ACSL3: variants seen among roughly 807,000 people sequenced by gnomAD.
ACSL3 encodes the protein acyl-CoA synthetase long chain family member 3, also known as fatty acid CoA ligase Acsl3.
A neutral mutation model predicts 84.7 loss-of-function variants in ACSL3; 34 were observed. That is an observed-to-expected ratio of 0.40 (90% CI 0.31 to 0.53). ACSL3 has a LOEUF of 0.53. Among genes scored for constraint, ACSL3 ranks in the 20% least tolerant of loss-of-function variants. The probability of loss-of-function intolerance (pLI) is 0.48; values close to 1 mark genes in which losing one functional copy is unlikely to be tolerated. For synonymous variants in ACSL3, 315 were observed against 299.4 expected, an observed-to-expected ratio of 1.05 and a Z score of -0.54; for missense variants, 680 against 873.1, an observed-to-expected ratio of 0.78 and a Z score of 2.79.
rs368211308 is a variant in ACSL3, at chr2:222,908,784, C to T, written c.12C>T (p.His4=). The change falls in exon 4 of 17, where the codon CAC becomes CAT. Residue 4 remains histidine (H), a synonymous_variant. Transcript: ENST00000357430. ...CTTTTTGAGTACTTATGAATAACCA[C>T]GTGTCTTCAAAACCATCTACCATGA... The part of the protein sequence containing the change: MNN[H]VSSKPSTMKL... The T allele has an allele frequency of 1.7e-5, 27 of 1,593,098 alleles. No homozygotes were observed. The highest frequency in any genetic ancestry group is 1.7e-4 in the Admixed American group (9 of 53,844).
chr2:222,901,964 A>AAAAAAAAAAAAAAAATG lies in ACSL3; in HGVS notation c.-41+1184_-41+1185insAAAAAAAAAAAAAAATG, dbSNP rs57522671. On this transcript the variant is annotated intron_variant, in intron 3 of 16. Transcript: ENST00000357430. ...GTCTCAAAAAAAAAAAAAAAAAAAA[A>AAAAAAAAAAAAAAAATG]GAACTCAAATATTGTTGAGGTAGCA... Among the ~76,000 whole-genome samples, 76 of 99,456 alleles carry AAAAAAAAAAAAAAAATG rather than the reference A, an allele frequency of 7.6e-4. 21 individuals carry two copies. Among genetic ancestry groups the AAAAAAAAAAAAAAAATG allele is most frequent in the African/African-American group, 2.4e-3 (59 of 24,630 alleles). 65.2% of individuals were successfully genotyped at this position (99,456 alleles called of 152,430 possible). A position where few individuals can be genotyped will look rare whatever the true frequency, so the allele number is the denominator to read the frequency against.
chr2:222,874,267 C>T (rs541733672), intron 1 of ACSL3, among the ~76,000 whole-genome samples: 19 of 152,172 alleles, frequency 1.2e-4, no homozygotes, highest in Middle Eastern at 3.2e-3. Flanking sequence ...TCAGGTGATC[C>T]GTCTGCCTCG....
chr2:222,917,820 A>G, intron 5 of ACSL3: 1 of 328,844 alleles, frequency 3.0e-6, no homozygotes, highest in Non-Finnish European at 5.5e-6. Context: ...AAATTTAAAT[A>G]TCTTCATCTT....
chr2:222,926,912 C>G (rs1696895551), intron 11 of ACSL3, 105 bp from the exon 12 acceptor site: 1 of 1,278,296 alleles, frequency 7.8e-7, no homozygotes, highest in East Asian at 2.5e-5. Flanking sequence ...GGATAAGTAA[C>G]TTAATCTCAA....
At chr2:222,919,920 A>G (rs1046681425) in intron 7 of ACSL3, among the ~76,000 whole-genome samples, 8 of 152,230 alleles carry the variant, frequency 5.3e-5, no homozygotes, top group Admixed American at 4.6e-4. Context: ...GAGATTTGGA[A>G]GCTAGAAGCA....
chr2:222,921,075 C>T (rs1056529591), intron 7 of ACSL3: 13 of 673,790 alleles, frequency 1.9e-5, no homozygotes, highest in Non-Finnish European at 3.3e-5. Context: ...ATAGGTTAAT[C>T]TGTTTGTATA....
In ACSL3 at chr2:222,942,783, G is replaced by C. The variant is rs1697348779; in HGVS notation, c.*1129G>C. The stretch of plus-strand genomic sequence containing the variant: ...AAATGAAAGAATTTAGAATGTATTT[G>C]ATGATAGCATTCTCACTAAGACACA... On this transcript the variant is annotated 3_prime_UTR_variant, in exon 17 of 17. Transcript: ENST00000357430. 4.6e-6 allele frequency: 1 copy of C among 218,826 alleles called. No homozygotes were observed. The highest frequency in any genetic ancestry group is 9.2e-6 in the Non-Finnish European group (1 of 109,206). 13.6% of individuals were successfully genotyped at this position (218,826 alleles called of 1,614,324 possible). A position where few individuals can be genotyped will look rare whatever the true frequency, so the allele number is the denominator to read the frequency against.
intron 8 of ACSL3, 142 bp downstream of exon 8, chr2:222,921,572 G>A (rs1574557347): frequency 1.3e-6 from 1 of 794,734 alleles, no homozygotes; most frequent in East Asian, 2.7e-5. Context: ...AAATAAAAAA[G>A]GACATTAAAA....
At chr2:222,929,346 A>G (rs1696963414) in intron 13 of ACSL3, among the ~76,000 whole-genome samples, 1 of 152,138 alleles carries the variant, frequency 6.6e-6, no homozygotes, top group South Asian at 2.1e-4. Context: ...ATTAGAAGGA[A>G]ATTTTCACTG....
At chr2:222,877,616 T>C (rs944207531) in intron 1 of ACSL3, among the ~76,000 whole-genome samples, 6 of 152,242 alleles carry the variant, frequency 3.9e-5, no homozygotes, top group African/African-American at 1.4e-4. Flanking sequence ...ACAGTTTCTG[T>C]TCTTTGCATT....
intron 1 of ACSL3, among the ~76,000 whole-genome samples, chr2:222,875,716 A>G (rs573218564): frequency 1.3e-5 from 2 of 152,206 alleles, no homozygotes; most frequent in Admixed American, 6.5e-5. Flanking sequence ...TTGCTGCTTG[A>G]CGGGTTGTTG....
chr2:222,900,559 A>AT (rs1466578431), intron 2 of ACSL3, 115 bp from the exon 3 acceptor site: 1 of 151,532 alleles, frequency 6.6e-6, no homozygotes, highest in Non-Finnish European at 1.5e-5. Context: ...CCATGCAACC[A>AT]CTGACCACCT....
intron 3 of ACSL3, among the ~76,000 whole-genome samples, chr2:222,904,343 C>T (rs1291672769): frequency 6.6e-6 from 1 of 151,998 alleles, no homozygotes; most frequent in Admixed American, 6.6e-5. Flanking sequence ...TTTATATGGT[C>T]TTAGTCTCCA....
At chr2:222,907,756 T>TAAA (rs34528925) in intron 3 of ACSL3, among the ~76,000 whole-genome samples, 1 of 138,976 alleles carries the variant, frequency 7.2e-6, no homozygotes, top group Non-Finnish European at 1.5e-5. Context: ...ATCCTGTCTT[T>TAAA]AAAAAAAAAA....
chr2:222,908,664 C>T (rs765503493), intron 3 of ACSL3, 69 bp from the exon 4 acceptor site: 38 of 1,102,908 alleles, frequency 3.4e-5, no homozygotes, highest in Admixed American at 2.6e-4. Context: ...CTTCATTTGC[C>T]GATGTAACTT....
chr2:222,902,356 G>A (rs1696173664), intron 3 of ACSL3, among the ~76,000 whole-genome samples: 1 of 152,164 alleles, frequency 6.6e-6, no homozygotes, highest in Non-Finnish European at 1.5e-5. Flanking sequence ...TTGTTACTTA[G>A]CGTCCCCTGA....
intron 1 of ACSL3, among the ~76,000 whole-genome samples, chr2:222,869,257 CA>C (rs1282772058): frequency 6.6e-6 from 1 of 152,188 alleles, no homozygotes; most frequent in Non-Finnish European, 1.5e-5. Context: ...TAACCTTTCT[CA>C]GCCTTCCATT....
At chr2:222,910,005 A>G (rs1696402407) in intron 4 of ACSL3, among the ~76,000 whole-genome samples, 1 of 152,182 alleles carries the variant, frequency 6.6e-6, no homozygotes, top group African/African-American at 2.4e-5. Context: ...CATACCCTCC[A>G]TTCTTCACTG....
chr2:222,868,651 A>G (rs1695215418), intron 1 of ACSL3, among the ~76,000 whole-genome samples: 1 of 152,184 alleles, frequency 6.6e-6, no homozygotes, highest in Non-Finnish European at 1.5e-5. Flanking sequence ...TTTAATATCA[A>G]TAATTTAGGA....
Sources: allele counts gnomAD v4.1 joint callset (sites outside exome capture counted in the v4.1 genomes callset), GRCh38; gene constraint gnomAD v4.1.1; transcripts MANE v1.5; gene names NCBI Gene and HGNC (gene_info 2026-07-23, HGNC 2026-07-21).